The following DAB1 variants were observed in gnomAD, a reference collection of about 807,000 sequenced individuals.
DAB1 encodes disabled homolog 1.
In DAB1, 15 loss-of-function variants were observed where a neutral mutation model predicts 64.6. That is an observed-to-expected ratio of 0.23 (90% CI 0.16 to 0.36). The LOEUF is 0.36. Among genes scored for constraint, DAB1 ranks in the 10% least tolerant of loss-of-function variants. The pLI is 1.00. For synonymous variants in DAB1, 235 were observed against 251.9 expected (o/e 0.93, Z 0.64); for missense variants, 596 against 706.7 (o/e 0.84, Z 1.78).
At chr1:58,247,147 G>A (rs1366622096) in intron 4 of DAB1, among the ~76,000 whole-genome samples, 2 of 152,044 alleles carry the variant, frequency 1.3e-5, no homozygotes, top group African/African-American at 4.8e-5. Flanking sequence ...CTCTGAGGAT[G>A]GGCCAGAATG....
At chr1:57,214,826 G>A (rs1444779695) in intron 2 of DAB1, among the ~76,000 whole-genome samples, 2 of 147,048 alleles carry the variant, frequency 1.4e-5, no homozygotes, top group African/African-American at 5.1e-5. Context: ...CAGGAGAATA[G>A]CGTGAACCCA....
At chr1:58,523,682 G>A (rs572268383) in intron 2 of DAB1, among the ~76,000 whole-genome samples, 5 of 152,226 alleles carry the variant, frequency 3.3e-5, no homozygotes, top group South Asian at 2.1e-4. Flanking sequence ...GGCGGATCAC[G>A]AGGTCAGGAG....
At chr1:58,250,573 C>A (rs947087718) in intron 4 of DAB1, among the ~76,000 whole-genome samples, 1 of 152,226 alleles carries the variant, frequency 6.6e-6, no homozygotes, top group Non-Finnish European at 1.5e-5. Flanking sequence ...ATAGGGGAGC[C>A]CCTCAGCATT....
chr1:57,950,358 C>T (rs1216749891), intron 5 of DAB1, among the ~76,000 whole-genome samples: 1 of 152,166 alleles, frequency 6.6e-6, no homozygotes, highest in African/African-American at 2.4e-5. Context: ...TTTCTATATT[C>T]ACCCACTAGC....
intron 7 of DAB1, among the ~76,000 whole-genome samples, chr1:57,440,234 A>G (rs564717018): frequency 1.3e-5 from 2 of 152,112 alleles, no homozygotes; most frequent in African/African-American, 2.4e-5. Context: ...TGTTGGAGCC[A>G]TTTTCACATG....
chr1:57,461,478 C>G (rs2101180119), intron 7 of DAB1, among the ~76,000 whole-genome samples: 1 of 152,316 alleles, frequency 6.6e-6, no homozygotes, highest in Admixed American at 6.5e-5. Flanking sequence ...CCATCTGACC[C>G]CTAGTATCTG....
chr1:57,051,127 T>C (rs1243020283), intron 9 of DAB1, among the ~76,000 whole-genome samples: 1 of 152,216 alleles, frequency 6.6e-6, no homozygotes, highest in East Asian at 1.9e-4. Context: ...CTCAGGACAA[T>C]GTTTGTTAAG....
At chr1:58,466,247 C>T (rs1291097600) in intron 3 of DAB1, among the ~76,000 whole-genome samples, 3 of 152,116 alleles carry the variant, frequency 2.0e-5, no homozygotes, top group Admixed American at 6.5e-5. Flanking sequence ...CCAAAGTTTC[C>T]GTAGGATTGT....
intron 1 of DAB1, among the ~76,000 whole-genome samples, chr1:57,299,602 GTA>G (rs1558119309): frequency 0.026 from 3,990 of 152,178 alleles, 168 homozygotes; most frequent in African/African-American, 0.091. Context: ...AACTCCTAGG[GTA>G]TGAGAAAAAA....
chr1:57,031,927 G>A (rs895065916), intron 9 of DAB1, among the ~76,000 whole-genome samples: 5 of 152,228 alleles, frequency 3.3e-5, no homozygotes, highest in Non-Finnish European at 7.3e-5. Flanking sequence ...GGTAAGAAGA[G>A]TGATATTGGA....
chr1:58,142,552 T>G (rs1654348620), intron 5 of DAB1, among the ~76,000 whole-genome samples: 1 of 152,220 alleles, frequency 6.6e-6, no homozygotes, highest in Non-Finnish European at 1.5e-5. Flanking sequence ...AAATCAGAGC[T>G]TTTAAATACA....
intron 4 of DAB1, among the ~76,000 whole-genome samples, chr1:58,189,944 T>A (rs1657295462): frequency 6.6e-6 from 1 of 152,136 alleles, no homozygotes; most frequent in African/African-American, 2.4e-5. Flanking sequence ...CACCCTTGTA[T>A]TTGTCCTCCT....
chr1:57,071,791 T>G, intron 5 of DAB1, 150 bp from the exon 6 acceptor site: 1 of 742,826 alleles, frequency 1.3e-6, no homozygotes, highest in Non-Finnish European at 2.1e-6. Context: ...TTTATACTGG[T>G]TTAGCAAATT....
intron 6 of DAB1, among the ~76,000 whole-genome samples, chr1:57,738,059 C>A (rs1348239463): frequency 6.6e-6 from 1 of 152,154 alleles, no homozygotes; most frequent in Non-Finnish European, 1.5e-5. Flanking sequence ...TGGGAAGAGA[C>A]ACATCAATAA....
chr1:57,069,757 T>A (rs973807583), intron 7 of DAB1, among the ~76,000 whole-genome samples: 9 of 152,176 alleles, frequency 5.9e-5, no homozygotes, highest in African/African-American at 2.2e-4. Context: ...GAGAATGCTA[T>A]CTCACTGGAA....
At chr1:58,108,097 G>C (rs1443171871) in intron 5 of DAB1, among the ~76,000 whole-genome samples, 1 of 152,196 alleles carries the variant, frequency 6.6e-6, no homozygotes, top group East Asian at 1.9e-4. Context: ...GCACTGGTGA[G>C]AAATTGAGAC....
intron 3 of DAB1, among the ~76,000 whole-genome samples, chr1:58,373,680 T>C (rs1644294007): frequency 6.6e-6 from 1 of 152,186 alleles, no homozygotes; most frequent in South Asian, 2.1e-4. Context: ...TTATAGTCAT[T>C]TGGGTATATA....
intron 5 of DAB1, chr1:58,074,523 C>CATATATATATATATATATAT (rs1233352276): frequency 3.6e-5 from 3 of 84,144 alleles, no homozygotes; most frequent in African/African-American, 1.4e-4. Context: ...AATATATATA[C>CATATATATATATATATATAT]ATATATATAT....
chr1:57,313,654 C>T (rs901598671), intron 1 of DAB1, among the ~76,000 whole-genome samples: 1 of 152,220 alleles, frequency 6.6e-6, no homozygotes, highest in Non-Finnish European at 1.5e-5. Context: ...CCCACCACGC[C>T]TGTTCCAGCA....
Sources: gnomAD v4.1 joint callset for allele counts (sites outside exome capture counted in the v4.1 genomes callset) on GRCh38, gnomAD v4.1.1 for gene constraint, MANE v1.5 for transcripts, NCBI Gene and HGNC (gene_info 2026-07-23, HGNC 2026-07-21) for gene names.